The following TMEM233 variants were observed in gnomAD, a reference collection of about 807,000 sequenced individuals.
TMEM233 encodes dispanin subfamily B member 2.
In TMEM233, 6 loss-of-function variants were observed where a neutral mutation model predicts 11.2. The ratio of observed to expected loss-of-function variants is 0.54; its 90% confidence interval spans 0.29 to 1.06. TMEM233 has a LOEUF of 1.06. Among genes scored for constraint, TMEM233 ranks in the 50% least tolerant of loss-of-function variants. The pLI is 0.08. For missense variants in TMEM233, 127 were observed against 144.7 expected, an observed-to-expected ratio of 0.88 and a Z score of 0.63; for synonymous variants, 59 against 55.8, an observed-to-expected ratio of 1.06 and a Z score of -0.26.
Position 119,594,338 on chromosome 12 carries a change from G to A in TMEM233, c.186+304G>A. On this transcript the variant is annotated intron_variant, in intron 1 of 2. Transcript: ENST00000426426. The surrounding 1 kb of genome is among the most constrained non-coding windows in gnomAD (Gnocchi z 5.6). Reference sequence around the variant, plus strand: ...CTCTCCAACCCGGGGAAGTTCTTCCGTGGACTTTGCTGACTCCTCTGACCT... The same window carrying A: ...CTCTCCAACCCGGGGAAGTTCTTCCATGGACTTTGCTGACTCCTCTGACCT... 2 of 362,012 alleles carry A rather than the reference G, an allele frequency of 5.5e-6. No individual in the cohort carries two copies. Among genetic ancestry groups the A allele is most frequent in the South Asian group, 4.0e-5 (1 of 25,106 alleles). The allele number at this position is 362,012 out of a possible 1,614,324, so 22.4% of individuals were successfully genotyped here.
Position 119,629,132 on chromosome 12 carries a change from G to A in TMEM233, c.187-604G>A, listed in dbSNP as rs377508678. On this transcript the variant is annotated intron_variant, in intron 1 of 2. Transcript: ENST00000426426. ...GGTATGCCGAACAAGACAGAAGGCC[G>A]GGCGTGGTGGCTCATGCCTGTAATC... Among the ~76,000 whole-genome samples the A allele has an allele frequency of 2.2e-4, 33 of 152,284 alleles. No individual in the cohort carries two copies. In the East Asian group the frequency reaches 2.9e-3, roughly 13 times the overall value.
chr12:119,636,957 G>C (rs1276076566), intron 2 of TMEM233, among the ~76,000 whole-genome samples: 1 of 152,176 alleles, frequency 6.6e-6, no homozygotes, highest in Non-Finnish European at 1.5e-5. Context: ...TGTTGGAACA[G>C]GTGACTGTTC....
chr12:119,602,512 T>C (rs1593277780), intron 1 of TMEM233, among the ~76,000 whole-genome samples: 1 of 152,324 alleles, frequency 6.6e-6, no homozygotes, highest in South Asian at 2.1e-4. Flanking sequence ...TTCCAGATGA[T>C]GAAGACCCTG....
intron 1 of TMEM233, among the ~76,000 whole-genome samples, chr12:119,627,896 G>A (rs903749198): frequency 1.3e-5 from 2 of 152,140 alleles, no homozygotes; most frequent in East Asian, 1.9e-4. Flanking sequence ...CCTTTCCAGG[G>A]CAATGACTCG....
intron 1 of TMEM233, among the ~76,000 whole-genome samples, chr12:119,603,718 T>C (rs1415121592): frequency 6.6e-6 from 1 of 152,234 alleles, no homozygotes; most frequent in Non-Finnish European, 1.5e-5. Context: ...GATTTGTGTA[T>C]GTGAGGCCCT....
intron 1 of TMEM233, among the ~76,000 whole-genome samples, chr12:119,628,429 G>A (rs928736151): frequency 6.6e-6 from 1 of 151,332 alleles, no homozygotes; most frequent in African/African-American, 2.4e-5. Flanking sequence ...CCAAAGTGCT[G>A]GGATTACAGG....
At chr12:119,612,556 G>A (rs976672028) in intron 1 of TMEM233, among the ~76,000 whole-genome samples, 1 of 151,926 alleles carries the variant, frequency 6.6e-6, no homozygotes, top group Non-Finnish European at 1.5e-5. Context: ...AGACCATCCT[G>A]GCTAACACGG....
In TMEM233 at chr12:119,641,346, T is replaced by C. The variant is rs1220869134; in HGVS notation, c.*641T>C. On this transcript the variant is annotated 3_prime_UTR_variant, in exon 3 of 3. Coordinates refer to ENST00000426426, the MANE Select transcript of TMEM233 (RefSeq NM_001136534.3). ...ATATTTCCAAATAGGCCCCCTCCCT[T>C]GCTTGCATCCACGTTGGTCAACTTG... is the stretch of plus-strand genomic sequence containing the variant. 6.6e-6 allele frequency: 1 copy of C among 152,238 alleles called. No homozygotes were observed. Among genetic ancestry groups the C allele is most frequent in the East Asian group, 1.9e-4 (1 of 5,196 alleles). 9.4% of individuals were successfully genotyped at this position (152,238 alleles called of 1,614,324 possible).
At chr12:119,627,402 G>A (rs1004851931) in intron 1 of TMEM233, among the ~76,000 whole-genome samples, 5 of 152,170 alleles carry the variant, frequency 3.3e-5, no homozygotes, top group African/African-American at 1.2e-4. Flanking sequence ...ATAAAGAAAG[G>A]AGGTTTGTTT....
Position 119,594,225 on chromosome 12 carries a change from C to T in TMEM233, c.186+191C>T, listed in dbSNP as rs1187534866. 8.3e-6 allele frequency: 5 copies of T among 602,390 alleles called. No homozygotes were observed. The highest frequency in any genetic ancestry group is 3.7e-5 in the African/African-American group (2 of 53,746). 37.3% of individuals were successfully genotyped at this position (602,390 alleles called of 1,614,324 possible). A position where few individuals can be genotyped will look rare whatever the true frequency, so the allele number is the denominator to read the frequency against. On this transcript the variant is annotated intron_variant, in intron 1 of 2. Coordinates refer to ENST00000426426, the MANE Select transcript of TMEM233 (RefSeq NM_001136534.3). This position sits in a 1 kb window ranked among gnomAD's most constrained non-coding sequence, Gnocchi z 5.6. ...GCTCTCCCCGCAATCATCAGCACCT[C>T]CTCTGCACTCCTCGTGGTACTCAGA...
In TMEM233 at chr12:119,619,446, G is replaced by C. The variant is rs138364020; in HGVS notation, c.187-10290G>C. On this transcript the variant is annotated intron_variant, in intron 1 of 2. Coordinates refer to ENST00000426426, the MANE Select transcript of TMEM233 (RefSeq NM_001136534.3). ...ATTTGAGCTCTGAAGTTCAAGACCAGCCTGGGCAACATGGCACAACCTCAT... is the reference window on the plus strand; with the variant it reads ...ATTTGAGCTCTGAAGTTCAAGACCACCCTGGGCAACATGGCACAACCTCAT... Among the ~76,000 whole-genome samples, 706 of 152,216 alleles carry C rather than the reference G, an allele frequency of 4.6e-3. 10 individuals carry two copies. The highest frequency in any genetic ancestry group is 0.016 in the African/African-American group (673 of 41,526).
rs370312376 is a variant in TMEM233, at chr12:119,626,543, A to AGG, written c.187-3192_187-3191insGG. On this transcript the variant is annotated intron_variant, in intron 1 of 2. Transcript: ENST00000426426. ...GAGAAGGGAGAAGGGAGAAGGGAGA[A>AGG]GAGAAGAGAAGAGAAGAGAAGAGAA... Among the ~76,000 whole-genome samples, 232 of 47,752 alleles carry AGG rather than the reference A, an allele frequency of 4.9e-3. 3 individuals are homozygous for AGG. The highest frequency in any genetic ancestry group is 0.014 in the African/African-American group (220 of 15,306). 31.3% of individuals were successfully genotyped at this position (47,752 alleles called of 152,430 possible).
chr12:119,636,556 G>C (rs532198096), intron 2 of TMEM233, among the ~76,000 whole-genome samples: 20 of 152,048 alleles, frequency 1.3e-4, no homozygotes, highest in Non-Finnish European at 1.6e-4. Flanking sequence ...AGCCTCAAGT[G>C]ATCCTCCCAC....
chr12:119,628,602 C>A (rs567691553), intron 1 of TMEM233, among the ~76,000 whole-genome samples: 1 of 147,500 alleles, frequency 6.8e-6, no homozygotes, highest in African/African-American at 2.5e-5. Flanking sequence ...CAGATTCACG[C>A]CATTCTCTTG....
Position 119,604,245 on chromosome 12 carries a change from T to C in TMEM233, c.186+10211T>C, listed in dbSNP as rs142761815. Among the ~76,000 whole-genome samples, 163 of 152,322 alleles carry C rather than the reference T, an allele frequency of 1.1e-3. No individual in the cohort carries two copies. The East Asian group carries it at 0.027, about 25-fold the overall frequency. On this transcript the variant is annotated intron_variant, in intron 1 of 2. Coordinates refer to ENST00000426426, the MANE Select transcript of TMEM233 (RefSeq NM_001136534.3). ...AGTTGTGTGTGGTGATAACAAATTT[T>C]ACCAAAAAAGGTACAGGTGCAGGAG...
chr12:119,645,376 C>T (rs187057358), downstream of TMEM233, among the ~76,000 whole-genome samples: 1 of 141,666 alleles, frequency 7.1e-6, no homozygotes, highest in East Asian at 2.1e-4. Context: ...GGGTTACAAC[C>T]AATTCTTAAA....
chr12:119,594,119 C>G lies in TMEM233; in HGVS notation c.186+85C>G. 7.3e-7 allele frequency: 1 copy of G among 1,368,920 alleles called. No individual in the cohort carries two copies. Among genetic ancestry groups the G allele is most frequent in the Admixed American group, 2.2e-5 (1 of 44,712 alleles). 84.8% of individuals were successfully genotyped at this position (1,368,920 alleles called of 1,614,324 possible). A position where few individuals can be genotyped will look rare whatever the true frequency, so the allele number is the denominator to read the frequency against. Reference sequence around the variant, plus strand: ...TGCAGGGGAGTCCGCGCGCTCTCTGCGGCTCCCTTCCTCACGGCCCGGCCC... The same window carrying G: ...TGCAGGGGAGTCCGCGCGCTCTCTGGGGCTCCCTTCCTCACGGCCCGGCCC... On this transcript the variant is annotated intron_variant, in intron 1 of 2. Coordinates refer to ENST00000426426, the MANE Select transcript of TMEM233 (RefSeq NM_001136534.3). The surrounding 1 kb of genome is among the most constrained non-coding windows in gnomAD (Gnocchi z 5.6).
At chr12:119,620,078 G>A (rs1162931746) in intron 1 of TMEM233, among the ~76,000 whole-genome samples, 1 of 152,214 alleles carries the variant, frequency 6.6e-6, no homozygotes, top group African/African-American at 2.4e-5. Context: ...TCCAGGCACT[G>A]TGTGGGTCAT....
Position 119,640,856 on chromosome 12 carries a change from G to GAAAAAAAAAAAAAA in TMEM233, c.*155_*168dup, listed in dbSNP as rs56347532. 1.4e-5 allele frequency: 5 copies of GAAAAAAAAAAAAAA among 361,112 alleles called. No individual in the cohort carries two copies. Among genetic ancestry groups the GAAAAAAAAAAAAAA allele is most frequent in the East Asian group, 5.4e-5 (1 of 18,588 alleles). 22.4% of individuals were successfully genotyped at this position (361,112 alleles called of 1,614,324 possible). A position where few individuals can be genotyped will look rare whatever the true frequency, so the allele number is the denominator to read the frequency against. ...AGGCAGGTCCCTGGCAAATGAACAA[G>GAAAAAAAAAAAAAA]AAAAAAAAAAAAAAAAAGTCCAAAA... On this transcript the variant is annotated 3_prime_UTR_variant, in exon 3 of 3. Coordinates refer to ENST00000426426, the MANE Select transcript of TMEM233 (RefSeq NM_001136534.3).
Sources: gnomAD v4.1 joint callset for allele counts (sites outside exome capture counted in the v4.1 genomes callset) on GRCh38, gnomAD v4.1.1 for gene constraint, Gnocchi (gnomAD v3.1) non-coding constraint, MANE v1.5 for transcripts, NCBI Gene and HGNC (gene_info 2026-07-23, HGNC 2026-07-21) for gene names.